Variants in STAM observed in about 807,000 individuals in gnomAD.
STAM encodes signal transducing adapter molecule 1.
STAM carries 16 observed loss-of-function variants against 63.4 expected under a neutral mutation model. The ratio of observed to expected loss-of-function variants is 0.25; its 90% CI spans 0.17 to 0.38. STAM has a LOEUF of 0.38. Ranked by LOEUF, STAM falls within the 10% of genes least tolerant of loss-of-function variation. The pLI, the probability that STAM is intolerant of heterozygous loss-of-function variation, is 1.00. For synonymous variants in STAM, 238 were observed against 223.9 expected, an observed-to-expected ratio of 1.06 and a Z score of -0.56; for missense variants, 636 against 657.1, an observed-to-expected ratio of 0.97 and a Z score of 0.35.
At chr10:17,657,024 A>G (rs1833966747) in intron 1 of STAM, among the ~76,000 whole-genome samples, 1 of 152,138 alleles carries the variant, frequency 6.6e-6, no homozygotes, top group Non-Finnish European at 1.5e-5. Context: ...CAGTGTGTTT[A>G]GAAAGTTGTA....
intron 5 of STAM, among the ~76,000 whole-genome samples, chr10:17,690,286 G>T (rs1452180182): frequency 1.3e-5 from 2 of 152,180 alleles, no homozygotes; most frequent in African/African-American, 4.8e-5. Context: ...GTGAATGCTG[G>T]CAAGAGCATT....
chr10:17,710,607 G>T (rs1024424959), intron 13 of STAM, among the ~76,000 whole-genome samples: 1 of 152,144 alleles, frequency 6.6e-6, no homozygotes, highest in Non-Finnish European at 1.5e-5. Flanking sequence ...CCTGTGTGCT[G>T]TCAGAGGACT....
At chr10:17,662,221 C>T (rs1554822969) in intron 2 of STAM, among the ~76,000 whole-genome samples, 2 of 151,942 alleles carry the variant, frequency 1.3e-5, no homozygotes, top group Non-Finnish European at 2.9e-5. Flanking sequence ...CATTTTTTTC[C>T]CTCCTGTATA....
chr10:17,679,751 GTTTCTTTTCTTT>G (rs150060534), intron 2 of STAM, among the ~76,000 whole-genome samples: 6,902 of 151,772 alleles, frequency 0.045, 200 homozygotes, highest in Middle Eastern at 0.14. Flanking sequence ...TCTTAAGTCA[GTTTCTTTTCTTT>G]TTTCTTTTTT....
chr10:17,693,671 A>G (rs1433355139), intron 6 of STAM, among the ~76,000 whole-genome samples: 1 of 152,172 alleles, frequency 6.6e-6, no homozygotes, highest in Admixed American at 6.5e-5. Context: ...TAACTGTTCT[A>G]TAATATCCAG....
At chr10:17,690,435 A>G (rs1225290281) in intron 5 of STAM, among the ~76,000 whole-genome samples, 1 of 152,218 alleles carries the variant, frequency 6.6e-6, no homozygotes. Context: ...ATCTTGTCAT[A>G]GTGGCTATAT....
rs143650239 is a variant in STAM, at chr10:17,660,688, C to T, written c.125+140C>T. The T allele has an allele frequency of 5.4e-4, 296 of 546,342 alleles. 1 individual carries two copies. The highest frequency in any genetic ancestry group is 5.3e-3 in the African/African-American group (271 of 51,460). 33.8% of individuals were successfully genotyped at this position (546,342 alleles called of 1,614,324 possible). ...ATCGCTTGAGCCCAGGAGTTAGAGG[C>T]TGCAGTGTGTGATGATTACACCCAT... On this transcript the variant is annotated intron_variant, in intron 2 of 13. Coordinates refer to ENST00000377524, the MANE Select transcript of STAM (RefSeq NM_003473.4).
intron 1 of STAM, among the ~76,000 whole-genome samples, chr10:17,653,428 A>G (rs1554821761): frequency 6.6e-6 from 1 of 152,198 alleles, no homozygotes; most frequent in Non-Finnish European, 1.5e-5. Context: ...TCAGTTAAGC[A>G]TTCTGGTAGG....
At position 17,711,321 on chromosome 10, in the gene STAM, A is replaced by C. The variant is rs148669412; in HGVS notation, c.1385+2370A>C. 1.1e-3 allele frequency among the ~76,000 whole-genome samples: 174 copies of C among 152,274 alleles called. 3 individuals are homozygous for C. Among genetic ancestry groups the C allele is most frequent in the African/African-American group, 4.0e-3 (168 of 41,546 alleles). On this transcript the variant is annotated intron_variant, in intron 13 of 13. Transcript: ENST00000377524. Reference sequence around the variant, plus strand: ...ATGGTAGTATTATAAGGTGATAATAAGTGACAATTACTGTTAGTATTTTGA... The same window carrying C: ...ATGGTAGTATTATAAGGTGATAATACGTGACAATTACTGTTAGTATTTTGA...
chr10:17,657,820 C>G (rs1280366935), intron 1 of STAM, among the ~76,000 whole-genome samples: 1 of 149,492 alleles, frequency 6.7e-6, no homozygotes, highest in Non-Finnish European at 1.5e-5. Context: ...TCTTTCATTT[C>G]TGATATTAGT....
intron 13 of STAM, among the ~76,000 whole-genome samples, chr10:17,711,989 A>C (rs1836576112): frequency 6.6e-6 from 1 of 152,256 alleles, no homozygotes; most frequent in South Asian, 2.1e-4. Context: ...GCAAATAATT[A>C]CACATTGGGT....
chr10:17,713,360 C>T (rs1435404308), intron 13 of STAM, among the ~76,000 whole-genome samples: 1 of 152,190 alleles, frequency 6.6e-6, no homozygotes, highest in African/African-American at 2.4e-5. Context: ...TCCGTACTTC[C>T]CCACAGGACA....
chr10:17,655,625 G>C (rs1038561679), intron 1 of STAM, among the ~76,000 whole-genome samples: 2 of 152,150 alleles, frequency 1.3e-5, no homozygotes, highest in Non-Finnish European at 2.9e-5. Context: ...TCAGTAGTAG[G>C]TCAAAATGAG....
chr10:17,672,252 C>T (rs1834671289), intron 2 of STAM, among the ~76,000 whole-genome samples: 1 of 152,172 alleles, frequency 6.6e-6, no homozygotes, highest in Non-Finnish European at 1.5e-5. Flanking sequence ...AGTAGATAGA[C>T]ATTTGTAAAT....
At chr10:17,648,963 A>G (rs2131555031) in intron 1 of STAM, among the ~76,000 whole-genome samples, 1 of 152,248 alleles carries the variant, frequency 6.6e-6, no homozygotes, top group East Asian at 1.9e-4. Context: ...CTCCAAGCTC[A>G]TTCCTGCCTC....
At chr10:17,644,429 A>G (rs781797614) in intron 1 of STAM, 50 bp downstream of exon 1, 3 of 1,608,738 alleles carry the variant, frequency 1.9e-6, no homozygotes, top group Non-Finnish European at 2.5e-6. Flanking sequence ...CTGCACGCTC[A>G]CTCTGCCAGC....
At position 17,676,333 on chromosome 10, in the gene STAM, T is replaced by G. The variant is rs558656361; in HGVS notation, c.126-8342T>G. Among the ~76,000 whole-genome samples the G allele has an allele frequency of 3.3e-5, 5 of 152,318 alleles. No homozygotes were observed. In the South Asian group the frequency reaches 1.0e-3, roughly 32 times the overall value. ...GGATGTGATAGAGAGGAGCTCCATC[T>G]TAAATCTCCTTTCTTTGAATCTGAC... is the stretch of plus-strand genomic sequence containing the variant. On this transcript the variant is annotated intron_variant, in intron 2 of 13. Coordinates refer to ENST00000377524, the MANE Select transcript of STAM (RefSeq NM_003473.4).
intron 1 of STAM, among the ~76,000 whole-genome samples, chr10:17,655,719 C>T (rs1183835898): frequency 2.6e-5 from 4 of 152,238 alleles, no homozygotes; most frequent in Non-Finnish European, 5.9e-5. Context: ...TTGGTCAAGA[C>T]CAACCATTAC....
chr10:17,649,903 C>G (rs932884073), intron 1 of STAM, among the ~76,000 whole-genome samples: 3 of 152,138 alleles, frequency 2.0e-5, no homozygotes, highest in Non-Finnish European at 4.4e-5. Flanking sequence ...GTGAGGCACC[C>G]GGGCCCAGCC....
Sources: gnomAD v4.1 joint callset for allele counts (sites outside exome capture counted in the v4.1 genomes callset) on GRCh38, gnomAD v4.1.1 for gene constraint, MANE v1.5 for transcripts, NCBI Gene and HGNC (gene_info 2026-07-23, HGNC 2026-07-21) for gene names.